FAM174A: variants seen among roughly 807,000 people sequenced by gnomAD.
The protein encoded by FAM174A is membrane protein FAM174A.
In FAM174A, 14 loss-of-function variants were observed where a neutral mutation model predicts 14.3. The ratio of observed to expected loss-of-function variants is 0.98; its 90% CI spans 0.65 to 1.53. The LOEUF is 1.53. Ranked by LOEUF, FAM174A falls within the 40% of genes most tolerant of loss-of-function variation. The pLI, the probability that FAM174A is intolerant of heterozygous loss-of-function variation, is 0.00. For synonymous variants in FAM174A, 108 were observed against 111.4 expected (o/e 0.97, Z 0.19); for missense variants, 241 against 249.6 (o/e 0.97, Z 0.23).
intron 1 of FAM174A, among the ~76,000 whole-genome samples, chr5:100,546,670 C>G (rs1746169893): frequency 6.6e-6 from 1 of 152,162 alleles, no homozygotes; most frequent in Non-Finnish European, 1.5e-5. Context: ...TTGCCATTAG[C>G]TTGAGCTGCA....
rs552120504 is a variant in FAM174A at position 100,556,391 on chromosome 5, C to T, written c.435-5663C>T. On this transcript the variant is annotated intron_variant, in intron 1 of 2. Transcript: ENST00000312637. ...CAGGTAGCATGATGCCTCCAGCTTT[C>T]TTCTTTTGGCTTAGGATTGACTTGG... Among the ~76,000 whole-genome samples, 498 of 152,116 alleles carry T rather than the reference C, an allele frequency of 3.3e-3. 4 individuals are homozygous for T. Among genetic ancestry groups the T allele is most frequent in the African/African-American group, 0.011 (465 of 41,508 alleles).
chr5:100,558,423 G>GGGT (rs1445581502), intron 1 of FAM174A, among the ~76,000 whole-genome samples: 2 of 152,152 alleles, frequency 1.3e-5, no homozygotes, highest in Non-Finnish European at 2.9e-5. Context: ...TGTTGATTTG[G>GGGT]GGTGGAGAGT....
intron 1 of FAM174A, among the ~76,000 whole-genome samples, chr5:100,553,780 C>T (rs1746309380): frequency 6.6e-6 from 1 of 152,066 alleles, no homozygotes; most frequent in Non-Finnish European, 1.5e-5. Flanking sequence ...CAAACCAATG[C>T]AGCCAAATGT....
At chr5:100,580,630 G>A (rs1157696518) in intron 2 of FAM174A, among the ~76,000 whole-genome samples, 1 of 152,176 alleles carries the variant, frequency 6.6e-6, no homozygotes, top group Non-Finnish European at 1.5e-5. Context: ...TGGATCTGCC[G>A]CTCTGAGTCC....
At chr5:100,547,228 A>T (rs2112369707) in intron 1 of FAM174A, among the ~76,000 whole-genome samples, 1 of 152,224 alleles carries the variant, frequency 6.6e-6, no homozygotes, top group African/African-American at 2.4e-5. Flanking sequence ...CTGTCCATTC[A>T]TAAAAAAAAG....
At chr5:100,556,187 T>G (rs1161768138) in intron 1 of FAM174A, among the ~76,000 whole-genome samples, 2 of 152,232 alleles carry the variant, frequency 1.3e-5, no homozygotes, top group African/African-American at 4.8e-5. Flanking sequence ...CAGCACCATT[T>G]ATTAAATAGG....
At chr5:100,539,017 C>A (rs538575170) in intron 1 of FAM174A, among the ~76,000 whole-genome samples, 1 of 151,904 alleles carries the variant, frequency 6.6e-6, no homozygotes, top group Non-Finnish European at 1.5e-5. Flanking sequence ...GTTGGTTTTT[C>A]GTTTTTTATT....
In FAM174A at chr5:100,538,886, A is replaced by G. The variant is rs553652169; in HGVS notation, c.434+2922A>G. ...GGCCAGGGAGCGGGGGTGGGGGGAAATCACTGTAGATGGTTGTTGGTTTTA... is the reference window on the plus strand; with the variant it reads ...GGCCAGGGAGCGGGGGTGGGGGGAAGTCACTGTAGATGGTTGTTGGTTTTA... On this transcript the variant is annotated intron_variant, in intron 1 of 2. Coordinates refer to ENST00000312637, the MANE Select transcript of FAM174A (RefSeq NM_198507.3). Among the ~76,000 whole-genome samples the G allele has an allele frequency of 3.3e-5, 5 of 152,222 alleles. No individual in the cohort carries two copies. In the South Asian group the frequency reaches 1.0e-3, roughly 32 times the overall value.
chr5:100,582,975 T>C (rs1315060252), intron 2 of FAM174A, among the ~76,000 whole-genome samples: 2 of 152,208 alleles, frequency 1.3e-5, no homozygotes, highest in Non-Finnish European at 2.9e-5. Flanking sequence ...AATAACCTGC[T>C]GTTAACTGGA....
At chr5:100,585,044 TAC>T (rs1250676075) in intron 2 of FAM174A, among the ~76,000 whole-genome samples, 2 of 152,208 alleles carry the variant, frequency 1.3e-5, no homozygotes, top group Non-Finnish European at 2.9e-5. Flanking sequence ...TTTACTGCAA[TAC>T]ACAATTTACT....
intron 1 of FAM174A, among the ~76,000 whole-genome samples, chr5:100,541,510 A>G (rs1023139582): frequency 6.6e-6 from 1 of 151,736 alleles, no homozygotes; most frequent in African/African-American, 2.4e-5. Context: ...AGGCAGGGAG[A>G]AGTATTGGAT....
chr5:100,579,748 G>T lies in FAM174A; in HGVS notation c.570-6433G>T, dbSNP rs1746973439. Among the ~76,000 whole-genome samples, 4 of 152,086 alleles carry T rather than the reference G, an allele frequency of 2.6e-5. No homozygotes were observed. The South Asian group carries it at 8.3e-4, about 31-fold the overall frequency. On this transcript the variant is annotated intron_variant, in intron 2 of 2. Transcript: ENST00000312637. ...GCCATGATATTTTTAAATTATACAA[G>T]AATTGTGCACACTAGCCTCTTAGTA... is the stretch of plus-strand genomic sequence containing the variant.
intron 1 of FAM174A, among the ~76,000 whole-genome samples, chr5:100,538,516 T>C (rs1313155683): frequency 6.6e-6 from 1 of 151,958 alleles, no homozygotes; most frequent in Non-Finnish European, 1.5e-5. Flanking sequence ...AACATATATA[T>C]ATATATGTAA....
intron 2 of FAM174A, among the ~76,000 whole-genome samples, chr5:100,584,423 G>A (rs1376872098): frequency 1.3e-5 from 2 of 152,140 alleles, no homozygotes; most frequent in South Asian, 2.1e-4. Context: ...GATTTTCTCA[G>A]TGGTTTCTGG....
At chr5:100,565,859 C>T (rs1407857008) in intron 2 of FAM174A, among the ~76,000 whole-genome samples, 1 of 151,556 alleles carries the variant, frequency 6.6e-6, no homozygotes, top group Non-Finnish European at 1.5e-5. Flanking sequence ...AGGGAGGCCT[C>T]ACAATCATGG....
At chr5:100,556,603 C>A (rs1261616669) in intron 1 of FAM174A, among the ~76,000 whole-genome samples, 4 of 152,098 alleles carry the variant, frequency 2.6e-5, no homozygotes, top group African/African-American at 4.8e-5. Flanking sequence ...TTCTTTGTAT[C>A]CTCTTTTATT....
At chr5:100,552,544 C>T (rs1407655390) in intron 1 of FAM174A, among the ~76,000 whole-genome samples, 1 of 151,678 alleles carries the variant, frequency 6.6e-6, no homozygotes, top group Non-Finnish European at 1.5e-5. Context: ...AAATCAGGTG[C>T]ATATATCAGG....
intron 2 of FAM174A, among the ~76,000 whole-genome samples, chr5:100,579,499 G>C (rs1164979294): frequency 6.6e-6 from 1 of 151,720 alleles, no homozygotes; most frequent in African/African-American, 2.4e-5. Context: ...ATCTCGTCTC[G>C]CTGCAGCCTC....
intron 2 of FAM174A, among the ~76,000 whole-genome samples, chr5:100,569,619 A>C (rs1236382715): frequency 1.3e-5 from 2 of 151,930 alleles, no homozygotes; most frequent in Non-Finnish European, 2.9e-5. Flanking sequence ...ATGTGAAATC[A>C]GTTTTAATGA....
Sources: gnomAD v4.1 joint callset for allele counts (sites outside exome capture counted in the v4.1 genomes callset) on GRCh38, gnomAD v4.1.1 for gene constraint, MANE v1.5 for transcripts, NCBI Gene and HGNC (gene_info 2026-07-23, HGNC 2026-07-21) for gene names.